The following ST3GAL4 variants were observed in gnomAD, a reference collection of about 807,000 sequenced individuals.
The protein encoded by ST3GAL4 is ST3 beta-galactoside alpha-2,3-sialyltransferase 4, also known as CMP-N-acetylneuraminate-beta-galactosamide-alpha-2,3-sialyltransferase 4.
In ST3GAL4, 24 loss-of-function variants were observed where a neutral mutation model predicts 42.6. The ratio of observed to expected loss-of-function variants is 0.56; its 90% CI spans 0.41 to 0.79. ST3GAL4 has a LOEUF of 0.79. ST3GAL4 is among the 30% of genes least tolerant of loss of function. The pLI is 0.00. For missense variants in ST3GAL4, 311 were observed against 430.8 expected, an observed-to-expected ratio of 0.72 and a Z score of 2.46; for synonymous variants, 135 against 163.2, an observed-to-expected ratio of 0.83 and a Z score of 1.32.
intron 1 of ST3GAL4, among the ~76,000 whole-genome samples, chr11:126,382,765 A>T (rs1213649579): frequency 6.6e-6 from 1 of 152,170 alleles, no homozygotes; most frequent in Non-Finnish European, 1.5e-5. Context: ...AACCAGTTGT[A>T]GGCTCTGGAA....
Position 126,414,193 on chromosome 11 carries a change from G to A in ST3GAL4, c.*146G>A, listed in dbSNP as rs1954645972. 1.3e-6 allele frequency: 1 copy of A among 758,462 alleles called. No individual in the cohort carries two copies. The highest frequency in any genetic ancestry group is 2.3e-6 in the Non-Finnish European group (1 of 442,662). The allele number at this position is 758,462 out of a possible 1,614,324, so 47.0% of individuals were successfully genotyped here. A position where few individuals can be genotyped will look rare whatever the true frequency, so the allele number is the denominator to read the frequency against. ...GAGTTCTGGGCCTGGCCAGGTCTGA[G>A]ATGAGGCCATGCCCCTGGCTGCTCT... On this transcript the variant is annotated 3_prime_UTR_variant, in exon 11 of 11. Transcript: ENST00000444328.
At chr11:126,382,535 C>T (rs1163625807) in intron 1 of ST3GAL4, among the ~76,000 whole-genome samples, 1 of 151,726 alleles carries the variant, frequency 6.6e-6, no homozygotes, top group Admixed American at 6.6e-5. Flanking sequence ...GATGGTTCCT[C>T]AGGGCTGGGA....
At position 126,384,371 on chromosome 11, in the gene ST3GAL4, T is replaced by C. The variant is rs35099186; in HGVS notation, c.-60-21725T>C. Among the ~76,000 whole-genome samples, 22,798 of 152,106 alleles carry C rather than the reference T, an allele frequency of 0.15. 2,245 individuals carry two copies. Among genetic ancestry groups the C allele is most frequent in the Non-Finnish European group, 0.23 (15,663 of 67,966 alleles). On this transcript the variant is annotated intron_variant, in intron 1 of 10. Transcript: ENST00000444328. This position sits in a 1 kb window ranked among gnomAD's most constrained non-coding sequence, Gnocchi z 5.5. The stretch of plus-strand genomic sequence containing the variant: ...CTGTACTGTGGGGCAGGGCTGGAAT[T>C]TGTGGCACCTGTGTAGGGACTCCAG...
At chr11:126,399,636 A>G (rs952810264) in intron 1 of ST3GAL4, among the ~76,000 whole-genome samples, 17 of 152,114 alleles carry the variant, frequency 1.1e-4, no homozygotes, top group African/African-American at 4.1e-4. Context: ...TCATCTTTAA[A>G]TTATTTATTT....
At position 126,400,089 on chromosome 11, in the gene ST3GAL4, AC is replaced by A. The variant is rs1953940297; in HGVS notation, c.-60-6005del. Among the ~76,000 whole-genome samples, 1 of 149,514 alleles carries A rather than the reference AC, an allele frequency of 6.7e-6. No homozygotes were observed. The highest frequency in any genetic ancestry group is 1.5e-5 in the Non-Finnish European group (1 of 67,582). On this transcript the variant is annotated intron_variant, in intron 1 of 10. Coordinates refer to ENST00000444328, the MANE Select transcript of ST3GAL4 (RefSeq NM_001254757.2). This position sits in a 1 kb window ranked among gnomAD's most constrained non-coding sequence, Gnocchi z 4.6. ...TCCTCTCCCCTCTCCACTTCTTGGCACCAATTTTCTGTCTTAGTCCATTTTG... is the reference window on the plus strand; with the variant it reads ...TCCTCTCCCCTCTCCACTTCTTGGCACAATTTTCTGTCTTAGTCCATTTTG...
intron 1 of ST3GAL4, 154 bp from the exon 2 acceptor site, chr11:126,405,942 G>A (rs906272919): frequency 4.5e-6 from 4 of 891,108 alleles, no homozygotes; most frequent in African/African-American, 1.7e-5. Flanking sequence ...GGAGGATCCT[G>A]GATGAGAAAA....
chr11:126,387,346 A>G (rs1289481084), intron 1 of ST3GAL4, among the ~76,000 whole-genome samples: 1 of 152,106 alleles, frequency 6.6e-6, no homozygotes, highest in Non-Finnish European at 1.5e-5. Flanking sequence ...TTTTTAAATC[A>G]AATTTTATTT....
chr11:126,398,039 G>A lies in ST3GAL4; in HGVS notation c.-60-8057G>A, dbSNP rs1953850255. Reference sequence around the variant, plus strand: ...AAAATGGATGTCCTTGTCACATGTAGAATACATTTGCTTCTTACCTATAAT... The same window carrying A: ...AAAATGGATGTCCTTGTCACATGTAAAATACATTTGCTTCTTACCTATAAT... On this transcript the variant is annotated intron_variant, in intron 1 of 10. Transcript: ENST00000444328. This position sits in a 1 kb window ranked among gnomAD's most constrained non-coding sequence, Gnocchi z 4.7. Among the ~76,000 whole-genome samples the A allele has an allele frequency of 6.6e-6, 1 of 152,188 alleles. No homozygotes were observed. Among genetic ancestry groups the A allele is most frequent in the Admixed American group, 6.5e-5 (1 of 15,280 alleles).
intron 1 of ST3GAL4, among the ~76,000 whole-genome samples, chr11:126,401,606 A>AGAGCC (rs147153665): frequency 0.11 from 16,746 of 151,656 alleles, 1,154 homozygotes; most frequent in Non-Finnish European, 0.16. Context: ...CCCCGGCAGC[A>AGAGCC]GAGCCTACTG....
intron 1 of ST3GAL4, among the ~76,000 whole-genome samples, chr11:126,368,602 G>A (rs915021917): frequency 1.3e-5 from 2 of 152,212 alleles, no homozygotes; most frequent in Non-Finnish European, 2.9e-5. Flanking sequence ...GAGAGGGCTG[G>A]CCAGCTGTGC....
In ST3GAL4 at chr11:126,398,687, C is replaced by T. The variant is rs936708963; in HGVS notation, c.-60-7409C>T. 3.3e-5 allele frequency among the ~76,000 whole-genome samples: 5 copies of T among 152,224 alleles called. No homozygotes were observed. The highest frequency in any genetic ancestry group is 7.2e-5 in the African/African-American group (3 of 41,456). On this transcript the variant is annotated intron_variant, in intron 1 of 10. Transcript: ENST00000444328. The surrounding 1 kb of genome is among the most constrained non-coding windows in gnomAD (Gnocchi z 4.7). ...CTGCAACCAGTCTCTGCCTGGGTCC[C>T]GAGTCTGTCCGCAATATCCTTTGAA... is the stretch of plus-strand genomic sequence containing the variant.
intron 1 of ST3GAL4, among the ~76,000 whole-genome samples, chr11:126,364,533 G>C (rs1003938762): frequency 7.0e-6 from 1 of 143,624 alleles, no homozygotes; most frequent in African/African-American, 2.6e-5. Flanking sequence ...CGTGGGACCT[G>C]TCTGGGGTGA....
Position 126,406,066 on chromosome 11 carries a change from G to T in ST3GAL4, c.-60-30G>T, listed in dbSNP as rs769194483. The T allele has an allele frequency of 2.6e-6, 4 of 1,551,118 alleles. No individual in the cohort carries two copies. Among genetic ancestry groups the T allele is most frequent in the African/African-American group, 2.7e-5 (2 of 73,050 alleles). ...TCTAGGCAGGAGAGTTTGTGAAGCT[G>T]ACCGGACACCTGTGGCTCTTATTTC... On this transcript the variant is annotated intron_variant, in intron 1 of 10. Coordinates refer to ENST00000444328, the MANE Select transcript of ST3GAL4 (RefSeq NM_001254757.2). The surrounding 1 kb of genome is among the most constrained non-coding windows in gnomAD (Gnocchi z 5.4).
At chr11:126,390,099 C>T (rs1953428231) in intron 1 of ST3GAL4, among the ~76,000 whole-genome samples, 1 of 29,316 alleles carries the variant, frequency 3.4e-5, no homozygotes, top group Non-Finnish European at 6.0e-5. Flanking sequence ...AGGAGAATAG[C>T]GTGAACCCGG....
chr11:126,379,197 C>T lies in ST3GAL4; in HGVS notation c.-61+23355C>T, dbSNP rs1484713969. 1.3e-5 allele frequency among the ~76,000 whole-genome samples: 2 copies of T among 152,212 alleles called. No homozygotes were observed. Among genetic ancestry groups the T allele is most frequent in the African/African-American group, 2.4e-5 (1 of 41,460 alleles). On this transcript the variant is annotated intron_variant, in intron 1 of 10. Coordinates refer to ENST00000444328, the MANE Select transcript of ST3GAL4 (RefSeq NM_001254757.2). The surrounding 1 kb of genome is among the most constrained non-coding windows in gnomAD (Gnocchi z 4.2). The stretch of plus-strand genomic sequence containing the variant: ...ATTAGTTGTGATTCTTTCCATTTAT[C>T]TAGAGGATTACGTAGCCACCAATTG...
At chr11:126,362,193 C>CTTTTTTT (rs763280766) in intron 1 of ST3GAL4, among the ~76,000 whole-genome samples, 10 of 119,090 alleles carry the variant, frequency 8.4e-5, no homozygotes, top group African/African-American at 3.3e-4. Context: ...ACATTTCTTC[C>CTTTTTTT]TTTTTTTTTT....
intron 1 of ST3GAL4, among the ~76,000 whole-genome samples, chr11:126,382,921 C>G (rs1429694530): frequency 6.6e-6 from 1 of 152,212 alleles, no homozygotes; most frequent in Non-Finnish European, 1.5e-5. Flanking sequence ...GGCGGGGCAG[C>G]TGGAGGAAGG....
At chr11:126,407,230 C>T in intron 4 of ST3GAL4, 22 bp from the exon 5 acceptor site, 4 of 1,612,874 alleles carry the variant, frequency 2.5e-6, no homozygotes, top group East Asian at 2.2e-5. Context: ...CTCATCCCCA[C>T]CCGGCTTTCA....
At chr11:126,403,505 T>C (rs1954099048) in intron 1 of ST3GAL4, 1 of 953,078 alleles carries the variant, frequency 1.0e-6, no homozygotes. Context: ...CTGATTTGTT[T>C]TACTATTCCC....
Sources: gnomAD v4.1 joint callset for allele counts (sites outside exome capture counted in the v4.1 genomes callset) on GRCh38, gnomAD v4.1.1 for gene constraint, Gnocchi (gnomAD v3.1) non-coding constraint, MANE v1.5 for transcripts, NCBI Gene and HGNC (gene_info 2026-07-23, HGNC 2026-07-21) for gene names.